CLPTM1L: variants seen among roughly 807,000 people sequenced by gnomAD.
The protein encoded by CLPTM1L is lipid scramblase CLPTM1L.
In CLPTM1L, 38 loss-of-function variants were observed where a neutral mutation model predicts 70.9. That is an observed-to-expected ratio of 0.54 (90% CI 0.41 to 0.70). The LOEUF (loss-of-function observed/expected upper bound fraction) is 0.70, where lower values mean the gene tolerates loss of function less well. Ranked by LOEUF, CLPTM1L falls within the 30% of genes least tolerant of loss-of-function variation. The pLI is 0.00. For missense variants in CLPTM1L, 652 were observed against 705.9 expected, an observed-to-expected ratio of 0.92 and a Z score of 0.87; for synonymous variants, 339 against 299.9, an observed-to-expected ratio of 1.13 and a Z score of -1.35.
At chr5:1,331,422 G>C (rs1445991105) in intron 8 of CLPTM1L, 1 of 287,720 alleles carries the variant, frequency 3.5e-6, no homozygotes, top group Non-Finnish European at 6.7e-6. Context: ...GGAGGACGGG[G>C]CGAGGGAACC....
At chr5:1,323,714 C>T (rs1464786049) in intron 12 of CLPTM1L, 73 bp downstream of exon 12, 18 of 1,360,576 alleles carry the variant, frequency 1.3e-5, no homozygotes, top group Middle Eastern at 1.8e-4. Flanking sequence ...AGTCGCACCC[C>T]GCTCTGGCTC....
chr5:1,323,146 C>G (rs1326835338), intron 12 of CLPTM1L, among the ~76,000 whole-genome samples: 1 of 151,954 alleles, frequency 6.6e-6, no homozygotes, highest in South Asian at 2.1e-4. Context: ...AGCTCAGGGC[C>G]AGCACCCCAC....
intron 5 of CLPTM1L, among the ~76,000 whole-genome samples, chr5:1,336,313 G>GC (rs1753575530): frequency 6.6e-6 from 1 of 152,248 alleles, no homozygotes; most frequent in African/African-American, 2.4e-5. Flanking sequence ...GTGAGACACA[G>GC]CAACAGCGAC....
Position 1,338,882 on chromosome 5 carries a change from C to T in CLPTM1L, c.577G>A (p.Asp193Asn), listed in dbSNP as rs1753756188. ...TACATCTTCATGTACCGATGCACATCGGCAGGCAGGGAGGACCCGTCAAAG... is the reference window on the plus strand; with the variant it reads ...TACATCTTCATGTACCGATGCACATTGGCAGGCAGGGAGGACCCGTCAAAG... Reference protein sequence around the residue: ...FVFDGSSLPADVHRYMKMIQL... With the variant: ...FVFDGSSLPANVHRYMKMIQL... Residue 193 changes from aspartate (D) to asparagine (N), a missense_variant, in exon 4 of 17, where the codon GAT becomes AAT. Around this residue, in one of 3 missense-constraint regions of CLPTM1L, gnomAD observed 402 missense variants for 388.2 expected, o/e 1.04. Coordinates refer to ENST00000320895, the MANE Select transcript of CLPTM1L (RefSeq NM_030782.5). The T allele has an allele frequency of 1.2e-6, 2 of 1,613,196 alleles. No homozygotes were observed. Among genetic ancestry groups the T allele is most frequent in the African/African-American group, 1.3e-5 (1 of 74,954 alleles).
chr5:1,322,983 A>G, intron 12 of CLPTM1L, 72 bp from the exon 13 acceptor site: 1 of 1,425,570 alleles, frequency 7.0e-7, no homozygotes. Flanking sequence ...GATGAAAAAT[A>G]ATTCTTTCAT....
chr5:1,323,711 C>T (rs1398398704), intron 12 of CLPTM1L, 76 bp downstream of exon 12: 2 of 1,336,096 alleles, frequency 1.5e-6, no homozygotes, highest in Non-Finnish European at 2.1e-6. Context: ...TCCAGTCGCA[C>T]CCCGCTCTGG....
At chr5:1,330,542 A>C in intron 8 of CLPTM1L, 159 bp from the exon 9 acceptor site, 1 of 605,948 alleles carries the variant, frequency 1.7e-6, no homozygotes, top group South Asian at 2.0e-5. Context: ...AAGAACAATG[A>C]AGCATTCAGC....
chr5:1,334,189 G>T, intron 7 of CLPTM1L, 100 bp downstream of exon 7: 1 of 789,028 alleles, frequency 1.3e-6, no homozygotes, highest in Middle Eastern at 2.7e-4. Flanking sequence ...CACAGGGCTG[G>T]ACGGCGCCCA....
intron 9 of CLPTM1L, 48 bp from the exon 10 acceptor site, chr5:1,325,864 G>A (rs1348291285): frequency 6.4e-7 from 1 of 1,557,836 alleles, no homozygotes; most frequent in African/African-American, 1.4e-5. Context: ...CGAAGGCCAG[G>A]AGCCACGAAT....
At chr5:1,333,222 C>CA (rs1753255768) in intron 7 of CLPTM1L, among the ~76,000 whole-genome samples, 1 of 18,160 alleles carries the variant, frequency 5.5e-5, no homozygotes, top group African/African-American at 5.9e-4. Context: ...GTAGACACAC[C>CA]GGATAAGGGG....
chr5:1,330,040 C>T (rs897140942), intron 9 of CLPTM1L, among the ~76,000 whole-genome samples: 2 of 151,958 alleles, frequency 1.3e-5, no homozygotes, highest in Non-Finnish European at 2.9e-5. Flanking sequence ...GGACTCACCA[C>T]TGCTTGGTGG....
chr5:1,330,142 G>A (rs549854143), intron 9 of CLPTM1L, 138 bp downstream of exon 9: 214 of 714,856 alleles, frequency 3.0e-4, no homozygotes, highest in Non-Finnish European at 4.7e-4. Flanking sequence ...CCATCCTACA[G>A]CTTCCAGAAC....
At chr5:1,331,379 A>T (rs2111228552) in intron 8 of CLPTM1L, 1 of 202,918 alleles carries the variant, frequency 4.9e-6, no homozygotes, top group African/African-American at 2.3e-5. Flanking sequence ...CCACACGCCC[A>T]GGCCTGCGCT....
chr5:1,331,563 CCT>C, intron 8 of CLPTM1L: 1 of 400,842 alleles, frequency 2.5e-6, no homozygotes, highest in East Asian at 9.4e-5. Context: ...GCAGCCAGGC[CCT>C]GAGCTGTGCA....
At chr5:1,321,564 G>T in intron 15 of CLPTM1L, 71 bp downstream of exon 15, 1 of 1,379,064 alleles carries the variant, frequency 7.3e-7, no homozygotes, top group Non-Finnish European at 1.0e-6. Context: ...CAGTAATGCT[G>T]TTGGCTGGAA....
intron 8 of CLPTM1L, 37 bp from the exon 9 acceptor site, chr5:1,330,420 G>C (rs1460825532): frequency 1.3e-6 from 2 of 1,550,230 alleles, no homozygotes; most frequent in Non-Finnish European, 1.8e-6. Context: ...GGGGGTGCAG[G>C]GCAGACCCCA....
intron 6 of CLPTM1L, among the ~76,000 whole-genome samples, 163 bp from the exon 7 acceptor site, chr5:1,334,546 G>A (rs1172843730): frequency 6.6e-6 from 1 of 152,170 alleles, no homozygotes; most frequent in Non-Finnish European, 1.5e-5. Flanking sequence ...TTGAAGTCAG[G>A]AGTTCAAGAC....
Position 1,331,540 on chromosome 5 carries a change from C to T in CLPTM1L, c.976+259G>A, listed in dbSNP as rs1753089180. ...CCACAGCCCAGACCCAGACCCCATG[C>T]ACGCCAGAGTCCGCAGCCAGGCCCT... On this transcript the variant is annotated intron_variant, in intron 8 of 16. Coordinates refer to ENST00000320895, the MANE Select transcript of CLPTM1L (RefSeq NM_030782.5). 5 of 570,956 alleles carry T rather than the reference C, an allele frequency of 8.8e-6. No homozygotes were observed. The East Asian group carries it at 1.4e-4, about 16-fold the overall frequency. The allele number at this position is 570,956 out of a possible 1,614,324, so 35.4% of individuals were successfully genotyped here.
At chr5:1,325,499 C>T in intron 10 of CLPTM1L, 1 of 533,126 alleles carries the variant, frequency 1.9e-6, no homozygotes, top group Non-Finnish European at 3.3e-6. Flanking sequence ...CATCCTTCCT[C>T]CCAGAGGCCG....
Sources: gnomAD v4.1 joint callset for allele counts (sites outside exome capture counted in the v4.1 genomes callset) on GRCh38, gnomAD v4.1.1 for gene constraint, gnomAD v4.1.1 regional missense constraint, MANE v1.5 for transcripts, NCBI Gene and HGNC (gene_info 2026-07-23, HGNC 2026-07-21) for gene names.